The following STAG2 variants were observed in gnomAD, a reference collection of about 807,000 sequenced individuals.
STAG2 encodes cohesin subunit SA-2.
Under a neutral mutation model 108.1 loss-of-function variants are expected in STAG2, and 14 were observed. The observed-to-expected ratio is 0.13, with a 90% CI of 0.09 to 0.20. STAG2 has a LOEUF of 0.20. Ranked by LOEUF, STAG2 falls within the 10% of genes least tolerant of loss-of-function variation. The pLI is 1.00. For missense variants in STAG2, 440 were observed against 940.9 expected (o/e 0.47, Z 6.96); for synonymous variants, 307 against 302.7 (o/e 1.01, Z -0.15).
At chrX:124,011,268 T>C (rs1323193966) in intron 1 of STAG2, among the ~76,000 whole-genome samples, 1 of 112,347 alleles carries the variant, frequency 8.9e-6, no homozygotes, top group Non-Finnish European at 1.9e-5. Context: ...AGTTTTTATG[T>C]GTGTGTAAAC....
chrX:124,067,886 G>A (rs369062961), intron 23 of STAG2, among the ~76,000 whole-genome samples: 28 of 110,612 alleles, frequency 2.5e-4, no homozygotes, highest in African/African-American at 8.9e-4. Context: ...ACAAAAATTA[G>A]CCAGGTGTGA....
At chrX:123,996,376 A>G (rs911400499) in intron 1 of STAG2, among the ~76,000 whole-genome samples, 1 of 112,317 alleles carries the variant, frequency 8.9e-6, no homozygotes, top group Non-Finnish European at 1.9e-5. Flanking sequence ...ACTGATGGAC[A>G]TAAATTAAAA....
chrX:124,019,052 CTTTTTTTTTTTT>C (rs751161706), intron 1 of STAG2, among the ~76,000 whole-genome samples: 4 of 79,902 alleles, frequency 5.0e-5, no homozygotes, highest in Non-Finnish European at 9.3e-5. Context: ...ATTTAGCACT[CTTTTTTTTTTTT>C]TTTTTTTTTT....
intron 1 of STAG2, among the ~76,000 whole-genome samples, chrX:123,979,912 T>G (rs1049128063): frequency 2.7e-5 from 3 of 111,995 alleles, no homozygotes; most frequent in African/African-American, 9.7e-5. Flanking sequence ...CATACATATG[T>G]ACATTTCTAG....
rs1475259856 is a variant in STAG2, at chrX:124,032,010, G to A, written c.288+885G>A. Among the ~76,000 whole-genome samples, 5 of 111,841 alleles carry A rather than the reference G, an allele frequency of 4.5e-5. 1 individual carries two copies. The South Asian group carries it at 1.1e-3, about 25-fold the overall frequency. ...CTCCCAAAGTGCTGGGATTACAGGC[G>A]TGAGCCACCACGCCCAGCCCCAACC... is the stretch of plus-strand genomic sequence containing the variant. On this transcript the variant is annotated intron_variant, in intron 5 of 34. Coordinates refer to ENST00000371145, the MANE Select transcript of STAG2 (RefSeq NM_001042750.2).
At chrX:124,028,539 G>A (rs986175905) in intron 4 of STAG2, among the ~76,000 whole-genome samples, 1 of 110,610 alleles carries the variant, frequency 9.0e-6, no homozygotes, top group African/African-American at 3.3e-5. Context: ...AAAACCCAGG[G>A]GAGGACTACT....
intron 24 of STAG2, among the ~76,000 whole-genome samples, chrX:124,070,884 C>T (rs1403670030): frequency 1.8e-5 from 2 of 111,216 alleles, no homozygotes; most frequent in Non-Finnish European, 3.8e-5. Flanking sequence ...GTACAAGTCA[C>T]TTAATGTTGC....
intron 1 of STAG2, among the ~76,000 whole-genome samples, chrX:123,962,722 G>C (rs1392680734): frequency 9.0e-6 from 1 of 111,551 alleles, no homozygotes; most frequent in Non-Finnish European, 1.9e-5. Flanking sequence ...GATCTGTAAG[G>C]TTAGATTTAA....
intron 7 of STAG2, 115 bp from the exon 8 acceptor site, chrX:124,045,049 A>G (rs1465694658): frequency 3.2e-6 from 2 of 617,582 alleles, no homozygotes; most frequent in Non-Finnish European, 2.6e-6. Context: ...TTTATTGGAG[A>G]AGAAAGGTGA....
At chrX:124,022,730 T>TAA in intron 3 of STAG2, 59 bp downstream of exon 3, 2 of 802,924 alleles carry the variant, frequency 2.5e-6, no homozygotes, top group Non-Finnish European at 3.5e-6. Context: ...AAATGGGGAA[T>TAA]GCATTAACTT....
At chrX:124,042,512 GTTTTC>G (rs1183341455) in intron 6 of STAG2, 52 bp from the exon 7 acceptor site, 21 of 890,696 alleles carry the variant, frequency 2.4e-5, no homozygotes, top group Non-Finnish European at 3.4e-5. Context: ...TTACTTGGAA[GTTTTC>G]TTTATTTTTT....
chrX:124,026,024 G>C (rs1238021846), intron 4 of STAG2, 106 bp downstream of exon 4: 1 of 540,143 alleles, frequency 1.9e-6, no homozygotes, highest in African/African-American at 2.4e-5. Context: ...GCTTTTTAAG[G>C]GGGTGGGAGC....
chrX:124,038,079 G>A (rs922360139), intron 6 of STAG2, among the ~76,000 whole-genome samples: 3 of 112,210 alleles, frequency 2.7e-5, no homozygotes, highest in Non-Finnish European at 5.6e-5. Context: ...TGATAAAATC[G>A]ACATTTCTTC....
intron 1 of STAG2, among the ~76,000 whole-genome samples, chrX:124,011,524 T>G (rs1323592360): frequency 6.3e-5 from 7 of 111,913 alleles, no homozygotes; most frequent in African/African-American, 2.3e-4. Flanking sequence ...AGTTTTTGAC[T>G]TTTACTATGT....
At chrX:124,092,222 G>C (rs774170762) in intron 32 of STAG2, among the ~76,000 whole-genome samples, 1 of 111,393 alleles carries the variant, frequency 9.0e-6, no homozygotes, top group East Asian at 2.8e-4. Flanking sequence ...TATCTCCATA[G>C]TGGTCTTAAC....
At chrX:124,056,915 G>C in intron 14 of STAG2, among the ~76,000 whole-genome samples, 1 of 104,142 alleles carries the variant, frequency 9.6e-6, no homozygotes, top group South Asian at 4.4e-4. Context: ...TTTTGAGACA[G>C]AGCCTCTCTC....
chrX:124,021,877 A>G (rs1290402852), intron 2 of STAG2, among the ~76,000 whole-genome samples: 1 of 111,186 alleles, frequency 9.0e-6, no homozygotes, highest in East Asian at 2.8e-4. Context: ...CAGGCATCTC[A>G]TATTATGGTT....
At chrX:124,060,987 A>T (rs764397527) in intron 15 of STAG2, among the ~76,000 whole-genome samples, 176 of 108,429 alleles carry the variant, frequency 1.6e-3, no homozygotes, top group African/African-American at 4.3e-3. Flanking sequence ...ATAATAAAAA[A>T]TTTTTTTCAT....
At chrX:124,044,925 A>G (rs1224118804) in intron 7 of STAG2, among the ~76,000 whole-genome samples, 2 of 111,650 alleles carry the variant, frequency 1.8e-5, no homozygotes, top group Non-Finnish European at 3.8e-5. Flanking sequence ...TAATTGGTAT[A>G]TATTTTCATT....
Sources: gnomAD v4.1 joint callset for allele counts (sites outside exome capture counted in the v4.1 genomes callset) on GRCh38, gnomAD v4.1.1 for gene constraint, MANE v1.5 for transcripts, NCBI Gene and HGNC (gene_info 2026-07-23, HGNC 2026-07-21) for gene names.